The following GRPR variants were observed in gnomAD, a reference collection of about 807,000 sequenced individuals.
The protein encoded by GRPR is gastrin-releasing peptide receptor.
GRPR carries 4 observed loss-of-function variants against 15.6 expected under a neutral mutation model. That is an observed-to-expected ratio of 0.26 (90% CI 0.13 to 0.59). The LOEUF is 0.59. Ranked by LOEUF, GRPR falls within the 20% of genes least tolerant of loss-of-function variation. The pLI is 0.90. For synonymous variants in GRPR, 128 were observed against 126.8 expected (o/e 1.01, Z -0.06); for missense variants, 270 against 304.1 (o/e 0.89, Z 0.83).
At chrX:16,133,863 T>G (rs553752936) in intron 1 of GRPR, among the ~76,000 whole-genome samples, 2 of 111,965 alleles carry the variant, frequency 1.8e-5, no homozygotes, top group South Asian at 7.4e-4. Context: ...TTCTGCTGCT[T>G]GGAGTTCATA....
At chrX:16,146,209 G>A (rs777277203) in intron 1 of GRPR, among the ~76,000 whole-genome samples, 1 of 111,751 alleles carries the variant, frequency 8.9e-6, no homozygotes, top group Non-Finnish European at 1.9e-5. Flanking sequence ...ACTTTAAAGG[G>A]TTATCACATC....
Position 16,152,387 on chromosome X carries a change from C to G in GRPR, c.897C>G (p.Leu299=), listed in dbSNP as rs751352377. Residue 299 remains leucine (L), a synonymous_variant, in exon 3 of 3, where the codon CTC becomes CTG. Coordinates refer to ENST00000380289, the MANE Select transcript of GRPR (RefSeq NM_005314.3). ...ACTCTGAGGTGGACACCTCCATGCT[C>G]CACTTTGTCACCAGCATCTGTGCCC... The part of the protein sequence containing the change: ...YHYSEVDTSM[L]HFVTSICARL... The G allele has an allele frequency of 2.5e-6, 3 of 1,211,419 alleles. No homozygotes were observed. The South Asian group carries it at 5.3e-5, about 21-fold the overall frequency.
intron 1 of GRPR, among the ~76,000 whole-genome samples, chrX:16,147,664 ATATTT>A (rs1922627886): frequency 8.9e-6 from 1 of 111,971 alleles, no homozygotes; most frequent in Admixed American, 9.5e-5. Context: ...GCTTTATACT[ATATTT>A]TATATTTTAA....
At chrX:16,147,546 C>T (rs748591553) in intron 1 of GRPR, among the ~76,000 whole-genome samples, 1 of 111,873 alleles carries the variant, frequency 8.9e-6, no homozygotes, top group East Asian at 2.8e-4. Flanking sequence ...ATCCTTATAG[C>T]ATCATTTAGC....
chrX:16,143,286 T>G (rs768396736), intron 1 of GRPR, among the ~76,000 whole-genome samples: 1 of 112,090 alleles, frequency 8.9e-6, no homozygotes, highest in Admixed American at 9.4e-5. Flanking sequence ...AACTAAAGTT[T>G]CACCCCTCTC....
intron 1 of GRPR, among the ~76,000 whole-genome samples, chrX:16,149,347 A>G (rs753358867): frequency 7.2e-5 from 8 of 111,328 alleles, no homozygotes; most frequent in Admixed American, 9.6e-5. Flanking sequence ...TTGCTCCTCA[A>G]TAAAATTTGT....
Position 16,124,062 on chromosome X carries a change from C to T in GRPR, c.109C>T (p.Pro37Ser). 1 of 1,206,992 alleles carries T rather than the reference C, an allele frequency of 8.3e-7. No individual in the cohort carries two copies. Among genetic ancestry groups the T allele is most frequent in the Non-Finnish European group, 1.1e-6 (1 of 891,215 alleles). ...DLPVNDDWSH[P>S]GILYVIPAVY... ...CCCCGTGAACGATGACTGGTCCCAC[C>T]CGGGGATCCTCTATGTCATCCCTGC... Residue 37 changes from proline to serine, a missense_variant, in exon 1 of 3, where the codon CCG becomes TCG. Transcript: ENST00000380289.
rs755488880 is a variant in GRPR at position 16,152,666 on chromosome X, C to G, written c.*21C>G. The G allele has an allele frequency of 1.6e-5, 19 of 1,184,246 alleles. No individual in the cohort carries two copies. The highest frequency in any genetic ancestry group is 2.1e-5 in the Non-Finnish European group (18 of 872,966). On this transcript the variant is annotated 3_prime_UTR_variant, in exon 3 of 3. Transcript: ENST00000380289. ...TCTAGATTGACCCTTGATTTTGCCC[C>G]CTGAGGGACGGTTTTGCTTTATGGC...
intron 1 of GRPR, among the ~76,000 whole-genome samples, chrX:16,126,178 T>C (rs1569125042): frequency 8.9e-6 from 1 of 111,765 alleles, no homozygotes; most frequent in Non-Finnish European, 1.9e-5. Context: ...CCAGTAAGTT[T>C]ATAGTTACTG....
At chrX:16,148,569 T>G (rs1345983699) in intron 1 of GRPR, among the ~76,000 whole-genome samples, 3 of 111,625 alleles carry the variant, frequency 2.7e-5, no homozygotes, top group African/African-American at 9.8e-5. Context: ...GTATCATAAG[T>G]AGAGTCCAGT....
At chrX:16,146,937 T>C in intron 1 of GRPR, among the ~76,000 whole-genome samples, 1 of 112,066 alleles carries the variant, frequency 8.9e-6, no homozygotes, top group East Asian at 2.8e-4. Flanking sequence ...AAACTGAGCT[T>C]CAATTTCCCA....
intron 1 of GRPR, among the ~76,000 whole-genome samples, chrX:16,145,590 C>A (rs1379685210): frequency 8.9e-6 from 1 of 111,780 alleles, no homozygotes; most frequent in Non-Finnish European, 1.9e-5. Flanking sequence ...TTTGTCAGCA[C>A]AACAGGGTGA....
chrX:16,124,173 G>T lies in GRPR; in HGVS notation c.220G>T (p.Val74Phe). 2 of 1,210,285 alleles carry T rather than the reference G, an allele frequency of 1.7e-6. No homozygotes were observed. Among genetic ancestry groups the T allele is most frequent in the Non-Finnish European group, 2.2e-6 (2 of 894,168 alleles). The change falls in exon 1 of 3, where the codon GTT becomes TTT. Residue 74 changes from valine to phenylalanine, a missense_variant. Coordinates refer to ENST00000380289, the MANE Select transcript of GRPR (RefSeq NM_005314.3). ...IFCTVKSMRN[V>F]PNLFISSLAL... is the part of the protein sequence containing the mutation. ...CTGTACAGTCAAGTCCATGCGAAAC[G>T]TTCCAAACCTGTTCATTTCCAGTCT...
chrX:16,128,484 C>T (rs1221908269), intron 1 of GRPR, among the ~76,000 whole-genome samples: 1 of 111,262 alleles, frequency 9.0e-6, no homozygotes, highest in East Asian at 2.8e-4. Flanking sequence ...CACTGTACTC[C>T]AGCCTGAATG....
intron 1 of GRPR, among the ~76,000 whole-genome samples, chrX:16,144,316 G>T (rs1015510769): frequency 7.2e-5 from 8 of 111,841 alleles, no homozygotes; most frequent in African/African-American, 2.6e-4. Flanking sequence ...TAGTAGTTTT[G>T]TCAAATCTCA....
intron 1 of GRPR, among the ~76,000 whole-genome samples, chrX:16,127,132 GT>G (rs1489862166): frequency 9.0e-6 from 1 of 111,004 alleles, no homozygotes; most frequent in Non-Finnish European, 1.9e-5. Context: ...CCTAGGCCCT[GT>G]CCTAAATCTA....
intron 1 of GRPR, among the ~76,000 whole-genome samples, chrX:16,146,304 T>C (rs1272681134): frequency 8.9e-6 from 1 of 111,881 alleles, no homozygotes; most frequent in East Asian, 2.8e-4. Context: ...GGTAGTATTG[T>C]AAAATTATAA....
intron 1 of GRPR, among the ~76,000 whole-genome samples, chrX:16,134,738 C>T (rs760204101): frequency 1.8e-5 from 2 of 110,753 alleles, no homozygotes; most frequent in African/African-American, 6.6e-5. Flanking sequence ...CCTGGAAGCT[C>T]GGATCAGCTC....
Position 16,152,397 on chromosome X carries a change from A to G in GRPR, c.907A>G (p.Thr303Ala), listed in dbSNP as rs1449065005. 8.3e-7 allele frequency: 1 copy of G among 1,210,804 alleles called. No homozygotes were observed. Among genetic ancestry groups the G allele is most frequent in the South Asian group, 1.8e-5 (1 of 56,928 alleles). Reference sequence around the variant, plus strand: ...GGACACCTCCATGCTCCACTTTGTCACCAGCATCTGTGCCCGCCTCCTGGC... The same window carrying G: ...GGACACCTCCATGCTCCACTTTGTCGCCAGCATCTGTGCCCGCCTCCTGGC... ...EVDTSMLHFVTSICARLLAFT... is the reference protein window; with the variant it reads ...EVDTSMLHFVASICARLLAFT... The change falls in exon 3 of 3, where the codon ACC (threonine) becomes GCC (alanine). Residue 303 changes from threonine (T) to alanine (A), a missense_variant. Physicochemically the swap from Thr to Ala is moderately conservative, Grantham distance 58. Coordinates refer to ENST00000380289, the MANE Select transcript of GRPR (RefSeq NM_005314.3).
Sources: gnomAD v4.1 joint callset for allele counts (sites outside exome capture counted in the v4.1 genomes callset) on GRCh38, gnomAD v4.1.1 for gene constraint, MANE v1.5 for transcripts, NCBI Gene and HGNC (gene_info 2026-07-23, HGNC 2026-07-21) for gene names.